Variants in GRM5 observed in about 807,000 individuals in gnomAD.
GRM5 encodes the protein metabotropic glutamate receptor 5.
Under a neutral mutation model 83.1 loss-of-function variants are expected in GRM5, and 19 were observed. The observed-to-expected ratio is 0.23, with a 90% CI of 0.16 to 0.34. GRM5 has a LOEUF of 0.34. GRM5 is among the 10% of genes least tolerant of loss of function. The pLI is 1.00. For synonymous variants in GRM5, 675 were observed against 633.6 expected, an observed-to-expected ratio of 1.07 and a Z score of -0.98; for missense variants, 1,160 against 1,588.3, an observed-to-expected ratio of 0.73 and a Z score of 4.58.
intron 4 of GRM5, among the ~76,000 whole-genome samples, chr11:88,651,147 G>A (rs369135248): frequency 3.5e-4 from 53 of 152,004 alleles, no homozygotes; most frequent in Admixed American, 9.8e-4. Context: ...TTTACAGAAC[G>A]GTTTCCATAG....
intron 3 of GRM5, among the ~76,000 whole-genome samples, chr11:88,741,399 C>T (rs746177197): frequency 6.6e-6 from 1 of 152,070 alleles, no homozygotes; most frequent in Non-Finnish European, 1.5e-5. Flanking sequence ...GATTAGACTT[C>T]TTGCTAAACT....
chr11:88,704,798 T>A (rs1238480851), intron 3 of GRM5, among the ~76,000 whole-genome samples: 1 of 151,966 alleles, frequency 6.6e-6, no homozygotes, highest in Non-Finnish European at 1.5e-5. Context: ...GCTCTATACT[T>A]TTTCTGTTCT....
intron 3 of GRM5, among the ~76,000 whole-genome samples, chr11:88,708,998 T>C (rs1941224423): frequency 2.0e-5 from 3 of 152,092 alleles, no homozygotes; most frequent in African/African-American, 7.2e-5. Context: ...TAATCAGTTC[T>C]GGTTAGCCCA....
intron 3 of GRM5, among the ~76,000 whole-genome samples, chr11:88,845,507 C>T (rs1209963499): frequency 7.4e-6 from 1 of 135,666 alleles, no homozygotes; most frequent in African/African-American, 2.8e-5. Context: ...AATCTGAGTT[C>T]ACTGCAACCT....
chr11:88,996,593 C>T (rs1406560710), intron 2 of GRM5, among the ~76,000 whole-genome samples: 1 of 152,152 alleles, frequency 6.6e-6, no homozygotes, highest in African/African-American at 2.4e-5. Context: ...TACTTCCATG[C>T]CACGCTCTCA....
At chr11:88,627,834 A>T (rs1319282971) in intron 4 of GRM5, among the ~76,000 whole-genome samples, 1 of 152,156 alleles carries the variant, frequency 6.6e-6, no homozygotes, top group East Asian at 1.9e-4. Flanking sequence ...CAAATTCTGA[A>T]TTATACTGTC....
chr11:88,945,549 T>C (rs113804948), intron 2 of GRM5, among the ~76,000 whole-genome samples: 9 of 152,098 alleles, frequency 5.9e-5, no homozygotes, highest in African/African-American at 2.2e-4. Flanking sequence ...CACAGGGAGA[T>C]AGACCAACGG....
chr11:88,681,760 G>A (rs577004634), intron 3 of GRM5, among the ~76,000 whole-genome samples: 5 of 150,870 alleles, frequency 3.3e-5, no homozygotes, highest in African/African-American at 7.3e-5. Flanking sequence ...TAGTAGAGAC[G>A]TGGTTTCACC....
chr11:88,871,249 C>T (rs1304266215), intron 2 of GRM5, among the ~76,000 whole-genome samples: 1 of 151,484 alleles, frequency 6.6e-6, no homozygotes, highest in Non-Finnish European at 1.5e-5. Flanking sequence ...GATTAAACAA[C>T]TTACTCAAGG....
chr11:88,553,884 G>A (rs1314348611), intron 8 of GRM5, among the ~76,000 whole-genome samples: 1 of 152,094 alleles, frequency 6.6e-6, no homozygotes, highest in East Asian at 1.9e-4. Flanking sequence ...TTTGGGTAGG[G>A]AAGACCAAAA....
At chr11:88,777,476 A>T (rs1044940708) in intron 3 of GRM5, among the ~76,000 whole-genome samples, 2 of 152,138 alleles carry the variant, frequency 1.3e-5, no homozygotes, top group African/African-American at 4.8e-5. Flanking sequence ...GCTTTGTTCC[A>T]TTGCTGGCAA....
chr11:88,685,724 A>G (rs772715897), intron 3 of GRM5, among the ~76,000 whole-genome samples: 5 of 152,236 alleles, frequency 3.3e-5, no homozygotes, highest in Non-Finnish European at 7.3e-5. Context: ...TGGCCAAGGT[A>G]TAGCTTGGGC....
At chr11:88,652,008 G>A (rs1939645058) in intron 4 of GRM5, among the ~76,000 whole-genome samples, 1 of 151,924 alleles carries the variant, frequency 6.6e-6, no homozygotes, top group Non-Finnish European at 1.5e-5. Context: ...TTGCTGGTAT[G>A]TGACAACCTC....
At chr11:88,923,298 C>T (rs188859964) in intron 2 of GRM5, among the ~76,000 whole-genome samples, 67 of 152,062 alleles carry the variant, frequency 4.4e-4, no homozygotes, top group African/African-American at 1.5e-3. Flanking sequence ...GTAAGCAAAC[C>T]GAAGTGTTCA....
chr11:88,630,822 C>T (rs1488685869), intron 4 of GRM5, among the ~76,000 whole-genome samples: 4 of 152,262 alleles, frequency 2.6e-5, no homozygotes, highest in African/African-American at 9.6e-5. Flanking sequence ...AGGTGATTTG[C>T]CCACCTCGGC....
At chr11:88,908,656 C>T (rs188257002) in intron 2 of GRM5, among the ~76,000 whole-genome samples, 4 of 152,238 alleles carry the variant, frequency 2.6e-5, no homozygotes, top group African/African-American at 7.2e-5. Flanking sequence ...CAAAGTATCT[C>T]ATTTTCTAGG....
chr11:89,039,135 C>T (rs1451578868), intron 2 of GRM5, among the ~76,000 whole-genome samples: 1 of 151,726 alleles, frequency 6.6e-6, no homozygotes, highest in African/African-American at 2.4e-5. Flanking sequence ...CACGGTGGCA[C>T]GCACCTGTAA....
intron 5 of GRM5, among the ~76,000 whole-genome samples, chr11:88,599,646 A>G (rs1937919696): frequency 6.6e-6 from 1 of 152,228 alleles, no homozygotes; most frequent in Non-Finnish European, 1.5e-5. Flanking sequence ...TTTAGTTAAG[A>G]ATCAAAAGAC....
At chr11:88,669,766 T>C (rs1940145328) in intron 3 of GRM5, among the ~76,000 whole-genome samples, 1 of 152,042 alleles carries the variant, frequency 6.6e-6, no homozygotes, top group Non-Finnish European at 1.5e-5. Context: ...GCATGCAAGA[T>C]AAATTATGGG....
Sources: gnomAD v4.1 joint callset for allele counts (sites outside exome capture counted in the v4.1 genomes callset) on GRCh38, gnomAD v4.1.1 for gene constraint, MANE v1.5 for transcripts, NCBI Gene and HGNC (gene_info 2026-07-23, HGNC 2026-07-21) for gene names.